Variants in RASGRF2 observed in about 807,000 individuals in gnomAD.
The protein encoded by RASGRF2 is Ras protein specific guanine nucleotide releasing factor 2, also known as ras-specific guanine nucleotide-releasing factor 2.
RASGRF2 carries 76 observed loss-of-function variants against 151.0 expected under a neutral mutation model. That is an observed-to-expected ratio of 0.50 (90% confidence interval 0.42 to 0.61). The LOEUF is 0.61. RASGRF2 is among the 20% of genes least tolerant of loss of function. The probability of loss-of-function intolerance (pLI) is 0.00; values close to 1 mark genes in which losing one functional copy is unlikely to be tolerated. For synonymous variants in RASGRF2, 504 were observed against 566.5 expected (o/e 0.89, Z 1.57); for missense variants, 1,148 against 1,564.6 (o/e 0.73, Z 4.49).
At chr5:81,155,295 G>C (rs1458712416) in intron 17 of RASGRF2, among the ~76,000 whole-genome samples, 1 of 151,744 alleles carries the variant, frequency 6.6e-6, no homozygotes, top group East Asian at 1.9e-4. Flanking sequence ...CTCAGAAATT[G>C]GTAAAAGGAA....
At chr5:81,170,683 G>A (rs1580377410) in intron 17 of RASGRF2, among the ~76,000 whole-genome samples, 1 of 152,122 alleles carries the variant, frequency 6.6e-6, no homozygotes, top group Admixed American at 6.5e-5. Flanking sequence ...GCTAGCTAAT[G>A]TGCCCTTTCT....
intron 19 of RASGRF2, among the ~76,000 whole-genome samples, chr5:81,202,530 A>AT (rs1279695414): frequency 6.6e-6 from 1 of 152,216 alleles, no homozygotes; most frequent in East Asian, 1.9e-4. Flanking sequence ...TGAAGATCCC[A>AT]TAGCCAGACC....
intron 12 of RASGRF2, among the ~76,000 whole-genome samples, chr5:81,099,107 A>G (rs774763751): frequency 6.6e-6 from 1 of 152,206 alleles, no homozygotes; most frequent in East Asian, 1.9e-4. Context: ...CATAAGCTCC[A>G]TAGATCACTT....
Position 81,208,304 on chromosome 5 carries a change from C to T in RASGRF2, c.3072-50C>T, listed in dbSNP as rs553415497. 1.2e-5 allele frequency: 18 copies of T among 1,480,578 alleles called. No homozygotes were observed. The South Asian group carries it at 1.9e-4, about 16-fold the overall frequency. The allele number at this position is 1,480,578 out of a possible 1,614,324, so 91.7% of individuals were successfully genotyped here. A position where few individuals can be genotyped will look rare whatever the true frequency, so the allele number is the denominator to read the frequency against. Reference sequence around the variant, plus strand: ...TGACAACTGTCCAGGATCATAGCCACCATATTTTTAAAAACTTAATTGGTT... The same window carrying T: ...TGACAACTGTCCAGGATCATAGCCATCATATTTTTAAAAACTTAATTGGTT... On this transcript the variant is annotated intron_variant, in intron 21 of 26. Coordinates refer to ENST00000265080, the MANE Select transcript of RASGRF2 (RefSeq NM_006909.3).
At chr5:81,162,532 AG>A (rs1754409846) in intron 17 of RASGRF2, among the ~76,000 whole-genome samples, 1 of 148,146 alleles carries the variant, frequency 6.8e-6, no homozygotes, top group Admixed American at 6.8e-5. Context: ...ATATTTTAGT[AG>A]AGACGGGTTT....
Position 81,186,002 on chromosome 5 carries a change from C to T in RASGRF2, c.2793+5721C>T, listed in dbSNP as rs539280984. On this transcript the variant is annotated intron_variant, in intron 18 of 26. Transcript: ENST00000265080. ...ATGCCATTTGATGATTCCGTTATTA[C>T]TTATGATACAGGGAGTCTAGGGTCC... Among the ~76,000 whole-genome samples, 509 of 152,308 alleles carry T rather than the reference C, an allele frequency of 3.3e-3. 2 individuals are homozygous for T. The highest frequency in any genetic ancestry group is 5.4e-3 in the Admixed American group (82 of 15,298).
chr5:81,153,837 A>G (rs1339032537), intron 17 of RASGRF2, among the ~76,000 whole-genome samples: 1 of 152,044 alleles, frequency 6.6e-6, no homozygotes, highest in Non-Finnish European at 1.5e-5. Context: ...ATTAAAAGAC[A>G]CAAATAAATT....
intron 25 of RASGRF2, among the ~76,000 whole-genome samples, chr5:81,217,817 AC>A (rs1304063543): frequency 4.7e-5 from 7 of 149,196 alleles, no homozygotes; most frequent in African/African-American, 1.7e-4. Flanking sequence ...ATCTCGGCTC[AC>A]TGCAAGCTCC....
intron 26 of RASGRF2, among the ~76,000 whole-genome samples, chr5:81,225,013 A>G (rs1214431178): frequency 6.6e-6 from 1 of 152,248 alleles, no homozygotes; most frequent in Non-Finnish European, 1.5e-5. Context: ...TGTGTGTTAT[A>G]TTTCAATAAA....
chr5:81,077,109 A>G (rs1751961972), intron 5 of RASGRF2, among the ~76,000 whole-genome samples: 1 of 152,196 alleles, frequency 6.6e-6, no homozygotes, highest in South Asian at 2.1e-4. Context: ...TGCCAATAAA[A>G]AGGTGGTGGG....
chr5:80,990,892 G>A (rs1314987294), intron 1 of RASGRF2, among the ~76,000 whole-genome samples: 1 of 152,204 alleles, frequency 6.6e-6, no homozygotes, highest in African/African-American at 2.4e-5. Context: ...TAGTGATAGT[G>A]CTTTTGTGGG....
chr5:81,038,001 A>AT (rs766619674), intron 1 of RASGRF2, among the ~76,000 whole-genome samples: 1 of 152,154 alleles, frequency 6.6e-6, no homozygotes, highest in Non-Finnish European at 1.5e-5. Flanking sequence ...AGTCAGAAAC[A>AT]TTTTTTGCTC....
At chr5:81,122,987 T>C (rs1023985804) in intron 15 of RASGRF2, among the ~76,000 whole-genome samples, 1 of 152,194 alleles carries the variant, frequency 6.6e-6, no homozygotes, top group African/African-American at 2.4e-5. Context: ...CCCAGTAGAA[T>C]TTTCTGGGAG....
At chr5:81,087,197 C>T (rs540426383) in intron 9 of RASGRF2, 56 of 703,152 alleles carry the variant, frequency 8.0e-5, no homozygotes, top group Admixed American at 3.0e-4. Context: ...TCTGACTGGA[C>T]GCTCCTCCTC....
chr5:81,094,218 A>T lies in RASGRF2; in HGVS notation c.1552-78A>T. 4.3e-6 allele frequency: 5 copies of T among 1,163,406 alleles called. No homozygotes were observed. In the South Asian group the frequency reaches 6.8e-5, roughly 16 times the overall value. 72.1% of individuals were successfully genotyped at this position (1,163,406 alleles called of 1,614,324 possible). A position where few individuals can be genotyped will look rare whatever the true frequency, so the allele number is the denominator to read the frequency against. On this transcript the variant is annotated intron_variant, in intron 10 of 26. Coordinates refer to ENST00000265080, the MANE Select transcript of RASGRF2 (RefSeq NM_006909.3). ...TATGCTTTCTTCCATGGCAACTTGA[A>T]TATAGTGTTTACAAATCAGAGCTTC...
chr5:81,041,809 A>G (rs761606049), intron 1 of RASGRF2, among the ~76,000 whole-genome samples: 3 of 152,188 alleles, frequency 2.0e-5, no homozygotes, highest in Non-Finnish European at 2.9e-5. Flanking sequence ...AGTATGTAGA[A>G]CCATTTTATC....
At chr5:81,051,029 T>C (rs1371620315) in intron 2 of RASGRF2, among the ~76,000 whole-genome samples, 3 of 152,212 alleles carry the variant, frequency 2.0e-5, no homozygotes, top group Admixed American at 6.5e-5. Context: ...TGATTATTGA[T>C]AAGATTGTGT....
chr5:81,202,464 G>A (rs1339052009), intron 19 of RASGRF2, among the ~76,000 whole-genome samples: 4 of 152,168 alleles, frequency 2.6e-5, no homozygotes, highest in African/African-American at 9.7e-5. Context: ...AACACCAGAT[G>A]TTGGTTTGTG....
At chr5:81,175,455 A>G (rs769346627) in intron 17 of RASGRF2, among the ~76,000 whole-genome samples, 1 of 152,168 alleles carries the variant, frequency 6.6e-6, no homozygotes, top group Non-Finnish European at 1.5e-5. Flanking sequence ...ACAGTTCTTT[A>G]GAAAAATATC....
Sources: allele counts gnomAD v4.1 joint callset (sites outside exome capture counted in the v4.1 genomes callset), GRCh38; gene constraint gnomAD v4.1.1; transcripts MANE v1.5; gene names NCBI Gene and HGNC (gene_info 2026-07-23, HGNC 2026-07-21).